INPP4B: variants seen among roughly 807,000 people sequenced by gnomAD.
INPP4B encodes the protein inositol polyphosphate-4-phosphatase type II B.
INPP4B carries 55 observed loss-of-function variants against 122.5 expected under a neutral mutation model. The ratio of observed to expected loss-of-function variants is 0.45; its 90% CI spans 0.36 to 0.56. INPP4B has a LOEUF of 0.56. INPP4B is among the 20% of genes least tolerant of loss of function. INPP4B has a pLI of 0.00. For synonymous variants in INPP4B, 403 were observed against 388.7 expected, an observed-to-expected ratio of 1.04 and a Z score of -0.43; for missense variants, 1,000 against 1,097.7, an observed-to-expected ratio of 0.91 and a Z score of 1.26.
At chr4:142,590,552 A>C (rs945303622) in intron 2 of INPP4B, among the ~76,000 whole-genome samples, 1 of 152,172 alleles carries the variant, frequency 6.6e-6, no homozygotes, top group African/African-American at 2.4e-5. Context: ...CACATGACAT[A>C]TGTTGGAAGC....
intron 2 of INPP4B, among the ~76,000 whole-genome samples, chr4:142,700,318 AAAT>A (rs1351073710): frequency 6.6e-6 from 1 of 152,240 alleles, no homozygotes; most frequent in African/African-American, 2.4e-5. Flanking sequence ...AATTTAACTT[AAAT>A]AATGAGAGCA....
rs979248083 is a variant in INPP4B at position 142,568,812 on chromosome 4, T to A, written c.-190-106086A>T. Reference sequence around the variant, plus strand: ...AGAATTGCTTCTCTGTTGGAAAAAGTATCAAATAGATATTTTTAACTTCTC... The same window carrying A: ...AGAATTGCTTCTCTGTTGGAAAAAGAATCAAATAGATATTTTTAACTTCTC... On this transcript the variant is annotated intron_variant, in intron 2 of 25. Transcript: ENST00000262992. Among the ~76,000 whole-genome samples, 24 of 152,144 alleles carry A rather than the reference T, an allele frequency of 1.6e-4. 1 individual carries two copies. The highest frequency in any genetic ancestry group is 2.1e-4 in the South Asian group (1 of 4,834).
At chr4:142,844,916 T>C (rs1052519101) in intron 1 of INPP4B, among the ~76,000 whole-genome samples, 3 of 152,218 alleles carry the variant, frequency 2.0e-5, no homozygotes, top group African/African-American at 7.2e-5. Flanking sequence ...CTTTAGGCTT[T>C]TACTTACAGA....
At chr4:142,799,450 T>C (rs1777731913) in intron 1 of INPP4B, among the ~76,000 whole-genome samples, 1 of 151,926 alleles carries the variant, frequency 6.6e-6, no homozygotes, top group Non-Finnish European at 1.5e-5. Context: ...TTATTTAACA[T>C]AGCTGAAATT....
intron 17 of INPP4B, among the ~76,000 whole-genome samples, chr4:142,148,594 C>T (rs1192879707): frequency 6.6e-6 from 1 of 152,184 alleles, no homozygotes; most frequent in Non-Finnish European, 1.5e-5. Flanking sequence ...GATAGAACAA[C>T]TTCTCTTAAT....
chr4:142,481,340 G>C (rs1356546974), intron 2 of INPP4B, among the ~76,000 whole-genome samples: 1 of 151,734 alleles, frequency 6.6e-6, no homozygotes, highest in Non-Finnish European at 1.5e-5. Flanking sequence ...AAGGAAAACA[G>C]AAAAAATCAC....
At chr4:142,646,689 G>A (rs949195131) in intron 2 of INPP4B, among the ~76,000 whole-genome samples, 2 of 152,166 alleles carry the variant, frequency 1.3e-5, no homozygotes, top group Non-Finnish European at 2.9e-5. Context: ...TCAGGTAACA[G>A]GAATTGCAAC....
At chr4:142,370,170 T>C (rs887084712) in intron 7 of INPP4B, among the ~76,000 whole-genome samples, 9 of 152,088 alleles carry the variant, frequency 5.9e-5, no homozygotes, top group African/African-American at 9.7e-5. Context: ...CAATAAATAC[T>C]CAAACCCAAG....
At chr4:142,644,912 A>AT (rs1395099064) in intron 2 of INPP4B, among the ~76,000 whole-genome samples, 4 of 149,882 alleles carry the variant, frequency 2.7e-5, no homozygotes, top group Admixed American at 2.0e-4. Flanking sequence ...TCTCAAAAAA[A>AT]AAAAAAAAAA....
chr4:142,180,770 C>T (rs1451904978), intron 15 of INPP4B, among the ~76,000 whole-genome samples: 1 of 152,038 alleles, frequency 6.6e-6, no homozygotes, highest in Non-Finnish European at 1.5e-5. Context: ...AATTAAAATG[C>T]TATAACTAAT....
chr4:142,620,957 T>C (rs927733617), intron 2 of INPP4B, among the ~76,000 whole-genome samples: 1 of 151,906 alleles, frequency 6.6e-6, no homozygotes, highest in Non-Finnish European at 1.5e-5. Flanking sequence ...TTAACATTCA[T>C]AGAACTATAA....
chr4:142,604,982 C>A (rs1448037012), intron 2 of INPP4B, among the ~76,000 whole-genome samples: 1 of 151,972 alleles, frequency 6.6e-6, no homozygotes, highest in Non-Finnish European at 1.5e-5. Flanking sequence ...TAGAAGCCTG[C>A]AGTAACCAAA....
intron 2 of INPP4B, among the ~76,000 whole-genome samples, chr4:142,558,367 T>G (rs1305137427): frequency 6.6e-6 from 1 of 152,078 alleles, no homozygotes; most frequent in Non-Finnish European, 1.5e-5. Context: ...GACTTCCAAA[T>G]TTAATCATCC....
intron 7 of INPP4B, among the ~76,000 whole-genome samples, chr4:142,352,053 A>C (rs1226581388): frequency 6.6e-6 from 1 of 152,028 alleles, no homozygotes. Context: ...AATATAAGTA[A>C]TGAATTTCCT....
chr4:142,404,720 T>C (rs1367209083), intron 6 of INPP4B, among the ~76,000 whole-genome samples: 1 of 151,852 alleles, frequency 6.6e-6, no homozygotes, highest in Non-Finnish European at 1.5e-5. Context: ...GAATATAAAG[T>C]TTCCACAGAC....
chr4:142,659,200 C>T (rs1051493590), intron 2 of INPP4B, among the ~76,000 whole-genome samples: 1 of 151,118 alleles, frequency 6.6e-6, no homozygotes, highest in East Asian at 2.0e-4. Context: ...GAGATTGAGA[C>T]CATCATGGCT....
At chr4:142,587,649 A>G (rs1736517189) in intron 2 of INPP4B, among the ~76,000 whole-genome samples, 1 of 152,124 alleles carries the variant, frequency 6.6e-6, no homozygotes, top group African/African-American at 2.4e-5. Context: ...TTGGATGTCC[A>G]TCACCTCAAG....
At chr4:142,202,366 C>T (rs939633430) in intron 14 of INPP4B, among the ~76,000 whole-genome samples, 12 of 151,926 alleles carry the variant, frequency 7.9e-5, no homozygotes, top group Non-Finnish European at 1.8e-4. Flanking sequence ...AAATATAATC[C>T]CTGATTTCAA....
At chr4:142,844,123 A>G (rs1177418540) in intron 1 of INPP4B, among the ~76,000 whole-genome samples, 2 of 152,154 alleles carry the variant, frequency 1.3e-5, no homozygotes, top group Non-Finnish European at 2.9e-5. Context: ...AAGCTCAAAC[A>G]CAACATTTTA....
Sources: gnomAD v4.1 joint callset for allele counts (sites outside exome capture counted in the v4.1 genomes callset) on GRCh38, gnomAD v4.1.1 for gene constraint, MANE v1.5 for transcripts, NCBI Gene and HGNC (gene_info 2026-07-23, HGNC 2026-07-21) for gene names.